The following SGIP1 variants were observed in gnomAD, a reference collection of about 807,000 sequenced individuals.
The protein encoded by SGIP1 is SH3GL interacting endocytic adaptor 1, also known as SH3-containing GRB2-like protein 3-interacting protein 1.
Under a neutral mutation model 107.5 loss-of-function variants are expected in SGIP1, and 38 were observed. The observed-to-expected ratio is 0.35, with a 90% CI of 0.27 to 0.46. SGIP1 has a LOEUF of 0.46. SGIP1 is among the 20% of genes least tolerant of loss of function. The pLI, the probability that SGIP1 is intolerant of heterozygous loss-of-function variation, is 1.00. For synonymous variants in SGIP1, 365 were observed against 366.1 expected (o/e 1.00, Z 0.03); for missense variants, 929 against 1,019.5 (o/e 0.91, Z 1.21).
At chr1:66,548,594 C>T (rs1282873671) in intron 1 of SGIP1, among the ~76,000 whole-genome samples, 4 of 152,040 alleles carry the variant, frequency 2.6e-5, no homozygotes, top group East Asian at 1.9e-4. Context: ...ATTTGATAGC[C>T]GTTCTGATAC....
At chr1:66,726,716 A>G (rs1042452847) in intron 19 of SGIP1, among the ~76,000 whole-genome samples, 1 of 152,246 alleles carries the variant, frequency 6.6e-6, no homozygotes, top group Admixed American at 6.5e-5. Flanking sequence ...ACTGAGATCC[A>G]TACTTGACAC....
intron 2 of SGIP1, 91 bp downstream of exon 2, chr1:66,626,001 C>A: frequency 1.1e-6 from 1 of 922,728 alleles, no homozygotes; most frequent in Admixed American, 2.2e-5. Flanking sequence ...ACAGTTTTCT[C>A]GGATATTGTG....
chr1:66,578,781 C>T (rs113422786), intron 1 of SGIP1, among the ~76,000 whole-genome samples: 675 of 152,288 alleles, frequency 4.4e-3, no homozygotes, highest in Non-Finnish European at 8.0e-3. Flanking sequence ...AAGGGATTCT[C>T]CTGCCTCAGC....
At chr1:66,723,945 G>T (rs1490690083) in intron 19 of SGIP1, among the ~76,000 whole-genome samples, 1 of 152,166 alleles carries the variant, frequency 6.6e-6, no homozygotes, top group Non-Finnish European at 1.5e-5. Flanking sequence ...TAAATGGAGA[G>T]GATATTAAGA....
rs2090727427 is a variant in SGIP1 at position 66,695,433 on chromosome 1, G to A, written c.1571-1G>A. ...TCCCGCTTCAACTCCTGGCCATACA[G>A]AGAATGAACAGCCTTCCCTCGTTTG... On this transcript the variant is annotated splice_acceptor_variant, in intron 17 of 24. Coordinates refer to ENST00000371037, the MANE Select transcript of SGIP1 (RefSeq NM_032291.4). LOFTEE classifies it high-confidence loss of function. The A allele has an allele frequency of 6.2e-7, 1 of 1,613,828 alleles. No individual in the cohort carries two copies. Among genetic ancestry groups the A allele is most frequent in the Non-Finnish European group, 8.5e-7 (1 of 1,179,976 alleles).
At chr1:66,736,856 A>C (rs1418399743) in intron 21 of SGIP1, among the ~76,000 whole-genome samples, 1 of 152,082 alleles carries the variant, frequency 6.6e-6, no homozygotes, top group Non-Finnish European at 1.5e-5. Context: ...AATTGTTGTA[A>C]GAAAACCATT....
At chr1:66,634,951 T>C (rs1000930111) in intron 3 of SGIP1, among the ~76,000 whole-genome samples, 3 of 152,242 alleles carry the variant, frequency 2.0e-5, no homozygotes, top group African/African-American at 7.2e-5. Context: ...ACTGATTTCC[T>C]TCAGCCCTTG....
intron 1 of SGIP1, among the ~76,000 whole-genome samples, chr1:66,556,840 T>A (rs2058253777): frequency 6.6e-6 from 1 of 152,170 alleles, no homozygotes. Context: ...ATTTTTGCTC[T>A]ACTTGAAAGC....
intron 18 of SGIP1, among the ~76,000 whole-genome samples, chr1:66,704,081 C>T (rs533544645): frequency 6.6e-6 from 1 of 152,132 alleles, no homozygotes; most frequent in African/African-American, 2.4e-5. Context: ...TAGTATAGTG[C>T]ATGCAAAGCA....
chr1:66,682,390 T>C, intron 15 of SGIP1, 21 bp downstream of exon 15: 1 of 1,583,432 alleles, frequency 6.3e-7, no homozygotes, highest in Non-Finnish European at 8.5e-7. Flanking sequence ...TGCTTGAGTG[T>C]GCTTCTTGTG....
chr1:66,559,884 G>C (rs191344449), intron 1 of SGIP1, among the ~76,000 whole-genome samples: 183 of 152,178 alleles, frequency 1.2e-3, no homozygotes, highest in African/African-American at 4.2e-3. Flanking sequence ...CCAGGGAGGA[G>C]GGGGTCAATG....
chr1:66,558,023 T>TA, intron 1 of SGIP1, among the ~76,000 whole-genome samples: 1 of 152,114 alleles, frequency 6.6e-6, no homozygotes, highest in South Asian at 2.1e-4. Context: ...AAAAACTTGC[T>TA]TCCAGGAAAC....
At chr1:66,588,007 A>G (rs1390394644) in intron 1 of SGIP1, among the ~76,000 whole-genome samples, 2 of 152,172 alleles carry the variant, frequency 1.3e-5, no homozygotes, top group Admixed American at 6.5e-5. Context: ...AAGAAGGGCA[A>G]CAACAACAAA....
chr1:66,699,912 T>A (rs2091620137), intron 18 of SGIP1, among the ~76,000 whole-genome samples: 2 of 151,834 alleles, frequency 1.3e-5, no homozygotes. Flanking sequence ...GGTTGAAAAA[T>A]GAAAAATAAA....
chr1:66,591,274 A>G (rs2063575541), intron 1 of SGIP1, among the ~76,000 whole-genome samples: 1 of 152,222 alleles, frequency 6.6e-6, no homozygotes, highest in African/African-American at 2.4e-5. Context: ...AATTGTTAAC[A>G]ATAAAATTTT....
intron 1 of SGIP1, among the ~76,000 whole-genome samples, chr1:66,564,701 C>T (rs1404914045): frequency 1.3e-5 from 2 of 151,834 alleles, no homozygotes; most frequent in African/African-American, 2.4e-5. Flanking sequence ...GAGGTGTTCA[C>T]CAGTCCACAC....
rs144509745 is a variant in SGIP1, at chr1:66,585,244, T to G, written c.11-40603T>G. On this transcript the variant is annotated intron_variant, in intron 1 of 24. Transcript: ENST00000371037. ...ATTCTTAGCCATGTTCTAGTTTGTTTTGTTCTGTTTTATTGTTTTTGACAG... is the reference window on the plus strand; with the variant it reads ...ATTCTTAGCCATGTTCTAGTTTGTTGTGTTCTGTTTTATTGTTTTTGACAG... Among the ~76,000 whole-genome samples, 481 of 152,306 alleles carry G rather than the reference T, an allele frequency of 3.2e-3. 2 individuals are homozygous for G. The highest frequency in any genetic ancestry group is 0.011 in the African/African-American group (456 of 41,578).
chr1:66,650,306 C>T (rs1036255762), intron 7 of SGIP1, among the ~76,000 whole-genome samples: 1 of 152,160 alleles, frequency 6.6e-6, no homozygotes, highest in Non-Finnish European at 1.5e-5. Flanking sequence ...TGAAGGCTAA[C>T]ATTCACAATG....
At chr1:66,587,514 T>A (rs984899299) in intron 1 of SGIP1, among the ~76,000 whole-genome samples, 1 of 152,150 alleles carries the variant, frequency 6.6e-6, no homozygotes, top group African/African-American at 2.4e-5. Flanking sequence ...ATCAACTTTC[T>A]AATCCAATCC....
Sources: gnomAD v4.1 joint callset for allele counts (sites outside exome capture counted in the v4.1 genomes callset) on GRCh38, gnomAD v4.1.1 for gene constraint, MANE v1.5 for transcripts, NCBI Gene and HGNC (gene_info 2026-07-23, HGNC 2026-07-21) for gene names.